Variants in ASXL3 observed in about 807,000 individuals in gnomAD.
ASXL3 encodes ASXL transcriptional regulator 3.
ASXL3 carries 34 observed loss-of-function variants against 170.6 expected under a neutral mutation model. That is an observed-to-expected ratio of 0.20 (90% CI 0.15 to 0.27). The LOEUF is 0.27. ASXL3 is among the 10% of genes least tolerant of loss of function. ASXL3 has a pLI of 1.00. For missense variants in ASXL3, 2,592 were observed against 2,695.3 expected, an observed-to-expected ratio of 0.96 and a Z score of 0.85; for synonymous variants, 1,002 against 989.1, an observed-to-expected ratio of 1.01 and a Z score of -0.24.
At chr18:33,670,923 C>T (rs2066330911) in intron 6 of ASXL3, 133 bp downstream of exon 6, 3 of 530,694 alleles carry the variant, frequency 5.7e-6, no homozygotes, top group African/African-American at 2.0e-5. Flanking sequence ...TTTCTTTATA[C>T]CTTTGACTCA....
intron 2 of ASXL3, 54 bp from the exon 3 acceptor site, chr18:33,644,840 G>A: frequency 8.9e-7 from 1 of 1,117,538 alleles, no homozygotes; most frequent in African/African-American, 1.6e-5. Flanking sequence ...GAACAGTTTT[G>A]CAATAGAAGC....
In ASXL3 at chr18:33,607,633, C is replaced by A; in HGVS notation, c.94C>A (p.Gln32Lys). 1 of 1,590,558 alleles carries A rather than the reference C, an allele frequency of 6.3e-7. No homozygotes were observed. The highest frequency in any genetic ancestry group is 1.3e-5 in the African/African-American group (1 of 74,412). ...CCCCAACTCACCAATGACAGCAAAG[C>A]AGATATTGGAAGTCATTCAGAAAGA... ...KHPNSPMTAK[Q>K]ILEVIQKEGL... is the part of the protein sequence containing the mutation. The change falls in exon 2 of 12, where the codon CAG becomes AAG. Residue 32 changes from glutamine to lysine, a missense_variant. Gln to Lys is a moderately conservative substitution (Grantham distance 53). Transcript: ENST00000269197.
rs765376339 is a variant in ASXL3 at position 33,738,848 on chromosome 18, A to G, written c.1444A>G (p.Ser482Gly). ...ACCTGAATTTTCTGAGGAGGCTGAA[A>G]GTCTAACCAATTCTCATGAAGAACC... ...TIPEFSEEAE[S>G]LTNSHEEPQI... The change falls in exon 11 of 12, where the codon AGT becomes GGT. Residue 482 changes from serine to glycine, a missense_variant. Ser to Gly is a moderately conservative substitution (Grantham distance 56). This residue lies in a region of ASXL3 where 2,246 missense variants were observed against 2,219.6 expected (regional missense o/e 1.01). Coordinates refer to ENST00000269197, the MANE Select transcript of ASXL3 (RefSeq NM_030632.3). 6.8e-6 allele frequency: 11 copies of G among 1,613,568 alleles called. No individual in the cohort carries two copies. The East Asian group carries it at 2.5e-4, about 36-fold the overall frequency.
intron 8 of ASXL3, among the ~76,000 whole-genome samples, chr18:33,707,427 A>G (rs2066979219): frequency 6.6e-6 from 1 of 151,966 alleles, no homozygotes; most frequent in Admixed American, 6.6e-5. Flanking sequence ...GAAAGGTAGT[A>G]CATCATTTGA....
At chr18:33,660,899 C>T (rs561792703) in intron 4 of ASXL3, among the ~76,000 whole-genome samples, 2 of 152,276 alleles carry the variant, frequency 1.3e-5, no homozygotes, top group African/African-American at 4.8e-5. Context: ...GTGGGCTCTA[C>T]TTGGTCACCC....
intron 1 of ASXL3, among the ~76,000 whole-genome samples, chr18:33,602,797 T>C (rs1310114309): frequency 6.7e-6 from 1 of 150,058 alleles, no homozygotes; most frequent in Non-Finnish European, 1.5e-5. Context: ...ACTGAGTTGT[T>C]TTGAGGATCA....
At chr18:33,590,810 G>A (rs2145097553) in intron 1 of ASXL3, among the ~76,000 whole-genome samples, 1 of 152,138 alleles carries the variant, frequency 6.6e-6, no homozygotes, top group East Asian at 1.9e-4. Flanking sequence ...TTTCTTTATG[G>A]TTATATAGGA....
chr18:33,676,825 A>G (rs1445228728), intron 7 of ASXL3, among the ~76,000 whole-genome samples: 1 of 152,134 alleles, frequency 6.6e-6, no homozygotes, highest in Non-Finnish European at 1.5e-5. Flanking sequence ...CTCCCCCATG[A>G]AGTTTTCTGA....
chr18:33,695,313 A>G (rs2066755199), intron 8 of ASXL3, among the ~76,000 whole-genome samples: 1 of 152,068 alleles, frequency 6.6e-6, no homozygotes, highest in Non-Finnish European at 1.5e-5. Flanking sequence ...GCGTATCTAA[A>G]AGTACTTAGA....
In ASXL3 at chr18:33,749,329, T is replaced by G. The variant is rs1215053005; in HGVS notation, c.*2734T>G. On this transcript the variant is annotated 3_prime_UTR_variant, in exon 12 of 12. Coordinates refer to ENST00000269197, the MANE Select transcript of ASXL3 (RefSeq NM_030632.3). ...CTATGTGCAAATGTAGTATATTATT[T>G]ACTACATGGTTATTGTGGTGTAGTG... 6.6e-6 allele frequency: 1 copy of G among 152,170 alleles called. No homozygotes were observed. The allele number at this position is 152,170 out of a possible 1,614,324, so 9.4% of individuals were successfully genotyped here. A position where few individuals can be genotyped will look rare whatever the true frequency, so the allele number is the denominator to read the frequency against.
At chr18:33,589,096 A>G (rs1343875653) in intron 1 of ASXL3, among the ~76,000 whole-genome samples, 2 of 151,590 alleles carry the variant, frequency 1.3e-5, no homozygotes, top group African/African-American at 2.4e-5. Flanking sequence ...TAGATTAATG[A>G]TGGTCCTAAG....
chr18:33,738,966 G>C lies in ASXL3; in HGVS notation c.1562G>C (p.Gly521Ala). The C allele has an allele frequency of 1.2e-6, 2 of 1,613,696 alleles. No homozygotes were observed. The highest frequency in any genetic ancestry group is 1.7e-6 in the Non-Finnish European group (2 of 1,179,830). Residue 521 changes from glycine to alanine, a missense_variant, in exon 11 of 12, where the codon GGG (glycine) becomes GCG (alanine). Coordinates refer to ENST00000269197, the MANE Select transcript of ASXL3 (RefSeq NM_030632.3). ...CCTCATATTGAAGTTAAGATAGAAG[G>C]GAAGTCAGAATCACCCCAGGAAGAA... ...TLPHIEVKIE[G>A]KSESPQEEMT... is the part of the protein sequence containing the mutation.
chr18:33,700,164 C>A (rs930879916), intron 8 of ASXL3, among the ~76,000 whole-genome samples: 1 of 151,862 alleles, frequency 6.6e-6, no homozygotes, highest in Non-Finnish European at 1.5e-5. Flanking sequence ...TTTCATGTGG[C>A]AGAGGATTTA....
chr18:33,662,721 C>T (rs1599462576), intron 5 of ASXL3, among the ~76,000 whole-genome samples: 3 of 152,100 alleles, frequency 2.0e-5, no homozygotes, highest in East Asian at 1.9e-4. Context: ...TATAACAATT[C>T]CCCCTTCAGC....
At chr18:33,675,433 G>A (rs2066410453) in intron 7 of ASXL3, among the ~76,000 whole-genome samples, 1 of 152,142 alleles carries the variant, frequency 6.6e-6, no homozygotes, top group Non-Finnish European at 1.5e-5. Context: ...CCTTCTCTAG[G>A]TAGTGGTAGG....
At chr18:33,607,453 A>G in intron 1 of ASXL3, 141 bp from the exon 2 acceptor site, 1 of 689,232 alleles carries the variant, frequency 1.5e-6, no homozygotes, top group Non-Finnish European at 2.5e-6. Flanking sequence ...TCCTTTGGAC[A>G]CCTGATCTGT....
At position 33,695,784 on chromosome 18, in the gene ASXL3, A is replaced by G. The variant is rs183495832; in HGVS notation, c.879+12216A>G. Among the ~76,000 whole-genome samples the G allele has an allele frequency of 5.0e-3, 763 of 152,266 alleles. 11 individuals carry two copies. The highest frequency in any genetic ancestry group is 0.031 in the Middle Eastern group (9 of 294). On this transcript the variant is annotated intron_variant, in intron 8 of 11. Coordinates refer to ENST00000269197, the MANE Select transcript of ASXL3 (RefSeq NM_030632.3). Reference sequence around the variant, plus strand: ...GTACAGGCTACTAAGTGGCAGCTTCATAGCCTGGAAGGGTGTCTTTGTCCA... The same window carrying G: ...GTACAGGCTACTAAGTGGCAGCTTCGTAGCCTGGAAGGGTGTCTTTGTCCA...
intron 2 of ASXL3, among the ~76,000 whole-genome samples, chr18:33,628,722 T>C (rs1485106952): frequency 1.4e-5 from 2 of 146,218 alleles, no homozygotes; most frequent in Non-Finnish European, 1.5e-5. Context: ...TATAAAAGCT[T>C]TTTTTGTTTT....
chr18:33,677,170 G>A (rs112876482), intron 7 of ASXL3, among the ~76,000 whole-genome samples: 63 of 152,080 alleles, frequency 4.1e-4, no homozygotes, highest in African/African-American at 1.2e-3. Flanking sequence ...TATTTTATTT[G>A]GTTTAATGTT....
Sources: allele counts gnomAD v4.1 joint callset (sites outside exome capture counted in the v4.1 genomes callset), GRCh38; gene constraint gnomAD v4.1.1; regional missense constraint gnomAD v4.1.1; transcripts MANE v1.5; gene names NCBI Gene and HGNC (gene_info 2026-07-23, HGNC 2026-07-21).